The following ADCY8 variants were observed in gnomAD, a reference collection of about 807,000 sequenced individuals.
ADCY8 encodes adenylate cyclase 8, also known as adenylate cyclase type 8.
A neutral mutation model predicts 119.7 loss-of-function variants in ADCY8; 51 were observed. That is an observed-to-expected ratio of 0.43 (90% CI 0.34 to 0.54). The LOEUF (loss-of-function observed/expected upper bound fraction) is 0.54, where lower values mean the gene tolerates loss of function less well. Among genes scored for constraint, ADCY8 ranks in the 20% least tolerant of loss-of-function variants. The pLI, the probability that ADCY8 is intolerant of heterozygous loss-of-function variation, is 0.03. For synonymous variants in ADCY8, 665 were observed against 651.0 expected, an observed-to-expected ratio of 1.02 and a Z score of -0.33; for missense variants, 1,383 against 1,598.8, an observed-to-expected ratio of 0.87 and a Z score of 2.30.
At chr8:130,785,531 G>GTTTTCAGGAGCCCA in intron 15 of ADCY8, 56 bp from the exon 16 acceptor site, 1 of 1,401,290 alleles carries the variant, frequency 7.1e-7, no homozygotes, top group Non-Finnish European at 9.7e-7. Context: ...CCAGCAGCCT[G>GTTTTCAGGAGCCCA]GGCTCCTGAA....
chr8:131,037,053 C>T (rs1824178159), intron 1 of ADCY8, among the ~76,000 whole-genome samples: 1 of 152,188 alleles, frequency 6.6e-6, no homozygotes, highest in South Asian at 2.1e-4. Context: ...TCTACTTCGT[C>T]CATCTGCGCG....
Position 131,040,255 on chromosome 8 carries a change from C to G in ADCY8, c.79G>C (p.Gly27Arg), listed in dbSNP as rs770681340. ...CGCTGCGGCCGGGAGGCGCTCCTGCCGTCGCCGGCCGGGGGCGTCGGGTGG... is the reference window on the plus strand; with the variant it reads ...CGCTGCGGCCGGGAGGCGCTCCTGCGGTCGCCGGCCGGGGGCGTCGGGTGG... ...TIHPTPPAGD[G>R]RSASRPQRLL... Residue 27 changes from glycine to arginine, a missense_variant, in exon 1 of 18, where the codon GGC becomes CGC. Physicochemically the swap from Gly to Arg is moderately radical, Grantham distance 125. Around this residue, in one of 2 missense-constraint regions of ADCY8, gnomAD observed 455 missense variants for 435.3 expected, o/e 1.05. Transcript: ENST00000286355. The G allele has an allele frequency of 1.0e-4, 155 of 1,552,598 alleles. 1 individual carries two copies. Among genetic ancestry groups the G allele is most frequent in the South Asian group, 3.4e-4 (29 of 85,320 alleles).
At chr8:130,874,527 A>G (rs887266274) in intron 8 of ADCY8, among the ~76,000 whole-genome samples, 3 of 152,100 alleles carry the variant, frequency 2.0e-5, no homozygotes, top group African/African-American at 7.2e-5. Flanking sequence ...TCACTGACAT[A>G]CTTCTTCCCA....
chr8:130,794,300 A>G (rs1355727595), intron 15 of ADCY8, among the ~76,000 whole-genome samples: 1 of 152,182 alleles, frequency 6.6e-6, no homozygotes, highest in Non-Finnish European at 1.5e-5. Context: ...GCTGGAGTGC[A>G]GTGGTGCGAT....
In ADCY8 at chr8:130,821,480, A is replaced by G. The variant is rs189616227; in HGVS notation, c.2676-60T>C. 514 of 1,333,560 alleles carry G rather than the reference A, an allele frequency of 3.9e-4. 1 individual carries two copies. Among genetic ancestry groups the G allele is most frequent in the Admixed American group, 8.4e-4 (47 of 56,164 alleles). The allele number at this position is 1,333,560 out of a possible 1,614,324, so 82.6% of individuals were successfully genotyped here. A position where few individuals can be genotyped will look rare whatever the true frequency, so the allele number is the denominator to read the frequency against. ...GGGACTTCAAGGAGACCTATGAGAA[A>G]ACTGAGGTTCAGAAAGGAGTGGTAT... On this transcript the variant is annotated intron_variant, in intron 12 of 17. Coordinates refer to ENST00000286355, the MANE Select transcript of ADCY8 (RefSeq NM_001115.3).
intron 1 of ADCY8, among the ~76,000 whole-genome samples, chr8:131,015,499 A>C (rs971916565): frequency 6.6e-5 from 10 of 152,220 alleles, no homozygotes; most frequent in African/African-American, 2.2e-4. Context: ...GAATGGTGCA[A>C]ATAAAGGGTG....
chr8:130,849,138 C>T lies in ADCY8; in HGVS notation c.2412+464G>A, dbSNP rs532399795. Among the ~76,000 whole-genome samples the T allele has an allele frequency of 1.6e-4, 25 of 152,140 alleles. No homozygotes were observed. The South Asian group carries it at 1.9e-3, about 11-fold the overall frequency. On this transcript the variant is annotated intron_variant, in intron 10 of 17. Transcript: ENST00000286355. ...GCGTGGGTCATGGAGTCAGACAGAC[C>T]TTATTATCAAGTTATTTCATGTCTC...
chr8:130,824,814 G>A (rs1816624865), intron 12 of ADCY8, among the ~76,000 whole-genome samples: 1 of 152,184 alleles, frequency 6.6e-6, no homozygotes, highest in Admixed American at 6.5e-5. Context: ...TTTCAAGATG[G>A]TGAAAGCAGG....
At chr8:130,935,389 G>GTC (rs1563735301) in intron 5 of ADCY8, 1 of 152,172 alleles carries the variant, frequency 6.6e-6, no homozygotes, top group Non-Finnish European at 1.5e-5. Flanking sequence ...GAGTGCTTTT[G>GTC]TCTCCTGCTC....
chr8:130,984,850 G>T (rs879633223), intron 2 of ADCY8, among the ~76,000 whole-genome samples: 4 of 152,152 alleles, frequency 2.6e-5, no homozygotes, highest in Non-Finnish European at 4.4e-5. Context: ...TGCTGATGAG[G>T]CTATCAAGCT....
chr8:130,887,831 A>G (rs944559342), intron 7 of ADCY8, among the ~76,000 whole-genome samples: 2 of 150,566 alleles, frequency 1.3e-5, no homozygotes, highest in Non-Finnish European at 3.0e-5. Context: ...CTTCAGTGGG[A>G]TAATGTTACC....
At chr8:130,818,487 G>A (rs1816411539) in intron 13 of ADCY8, among the ~76,000 whole-genome samples, 1 of 152,226 alleles carries the variant, frequency 6.6e-6, no homozygotes, top group African/African-American at 2.4e-5. Context: ...AGGAGGAAGT[G>A]TTTGGCATGT....
rs560353993 is a variant in ADCY8, at chr8:130,963,692, G to T, written c.1111-11694C>A. Among the ~76,000 whole-genome samples the T allele has an allele frequency of 2.6e-5, 4 of 152,194 alleles. No individual in the cohort carries two copies. The South Asian group carries it at 8.3e-4, about 32-fold the overall frequency. On this transcript the variant is annotated intron_variant, in intron 2 of 17. Coordinates refer to ENST00000286355, the MANE Select transcript of ADCY8 (RefSeq NM_001115.3). ...GATGAATACTACAACAGTAAGTCAG[G>T]AGCAGGCCCATGCTAGAGATGTGGG...
At chr8:130,913,993 C>T (rs1820056034) in intron 5 of ADCY8, among the ~76,000 whole-genome samples, 1 of 152,174 alleles carries the variant, frequency 6.6e-6, no homozygotes, top group Non-Finnish European at 1.5e-5. Flanking sequence ...TGAATAAACA[C>T]ATGCAGGGAG....
At chr8:130,871,051 A>G (rs753453440) in intron 8 of ADCY8, among the ~76,000 whole-genome samples, 3 of 152,234 alleles carry the variant, frequency 2.0e-5, no homozygotes, top group Admixed American at 6.5e-5. Context: ...ATCATCAAAT[A>G]TAAAATGCTG....
intron 6 of ADCY8, among the ~76,000 whole-genome samples, chr8:130,908,904 C>T (rs1215743532): frequency 6.6e-6 from 1 of 152,002 alleles, no homozygotes; most frequent in African/African-American, 2.4e-5. Context: ...ACATAGTTTG[C>T]AAGGAGTGAT....
chr8:131,006,426 C>A (rs964954468), intron 1 of ADCY8, among the ~76,000 whole-genome samples: 1 of 152,124 alleles, frequency 6.6e-6, no homozygotes, highest in African/African-American at 2.4e-5. Context: ...AAATCATATG[C>A]CCTTATCAAG....
rs150472874 is a variant in ADCY8, at chr8:130,883,994, T to G, written c.2109+570A>C. On this transcript the variant is annotated intron_variant, in intron 8 of 17. Coordinates refer to ENST00000286355, the MANE Select transcript of ADCY8 (RefSeq NM_001115.3). ...AGAGAGGTTACTTTACTTATCTAAG[T>G]TCACATAGCAAGAAAGTGGCAGAGG... is the stretch of plus-strand genomic sequence containing the variant. Among the ~76,000 whole-genome samples the G allele has an allele frequency of 1.8e-3, 274 of 152,250 alleles. 2 individuals are homozygous for G. The highest frequency in any genetic ancestry group is 6.0e-3 in the African/African-American group (248 of 41,570).
chr8:130,995,850 A>C (rs925293354), intron 1 of ADCY8, among the ~76,000 whole-genome samples: 1 of 152,152 alleles, frequency 6.6e-6, no homozygotes, highest in African/African-American at 2.4e-5. Context: ...CTTGATGCCT[A>C]TCTGCCGCAC....
Sources: allele counts gnomAD v4.1 joint callset (sites outside exome capture counted in the v4.1 genomes callset), GRCh38; gene constraint gnomAD v4.1.1; regional missense constraint gnomAD v4.1.1; transcripts MANE v1.5; gene names NCBI Gene and HGNC (gene_info 2026-07-23, HGNC 2026-07-21).